The following EFEMP2 variants were observed in gnomAD, a reference collection of about 807,000 sequenced individuals.
EFEMP2 encodes EGF-like fibulin extracellular matrix protein 2, also known as EGF-containing fibulin-like extracellular matrix protein 2.
Under a neutral mutation model 55.3 loss-of-function variants are expected in EFEMP2, and 21 were observed. The ratio of observed to expected loss-of-function variants is 0.38; its 90% confidence interval spans 0.27 to 0.55. The LOEUF (loss-of-function observed/expected upper bound fraction) is 0.55. Ranked by LOEUF, EFEMP2 falls within the 20% of genes least tolerant of loss-of-function variation. EFEMP2 has a pLI of 0.77. For synonymous variants in EFEMP2, 275 were observed against 242.3 expected (o/e 1.14, Z -1.25); for missense variants, 513 against 615.1 (o/e 0.83, Z 1.76).
intron 10 of EFEMP2, 172 bp from the exon 11 acceptor site, chr11:65,867,251 A>C: frequency 1.4e-6 from 1 of 704,566 alleles, no homozygotes; most frequent in Non-Finnish European, 2.4e-6. Flanking sequence ...TCTCCTCCCC[A>C]CCCAGGCTCC....
intron 3 of EFEMP2, 126 bp downstream of exon 3, chr11:65,871,844 G>T: frequency 8.1e-7 from 1 of 1,231,260 alleles, no homozygotes; most frequent in Non-Finnish European, 1.2e-6. Context: ...CTGTGTAGCA[G>T]AGCTGGGCAT....
rs1565273832 is a variant in EFEMP2, at chr11:65,870,149, C to G, written c.579G>C (p.Gln193His). ...CACAGGAGCGGTTGTTAGGCCCCAG[C>G]TGGAAGCCCGGCTCGCACTGGCAGC... Reference protein sequence around the residue: ...SFRCQCEPGFQLGPNNRSCVD... With the variant: ...SFRCQCEPGFHLGPNNRSCVD... Residue 193 changes from glutamine (Q) to histidine (H), a missense_variant, in exon 6 of 11, where the codon CAG (glutamine) becomes CAC (histidine). By Grantham distance (24) the Gln-to-His change is conservative. Transcript: ENST00000307998. 5 of 1,613,762 alleles carry G rather than the reference C, an allele frequency of 3.1e-6. No homozygotes were observed. Among genetic ancestry groups the G allele is most frequent in the Non-Finnish European group, 4.2e-6 (5 of 1,180,028 alleles).
At position 65,872,292 on chromosome 11, in the gene EFEMP2, G is replaced by T; in HGVS notation, c.63C>A (p.Leu21=). The T allele has an allele frequency of 6.4e-7, 1 of 1,551,740 alleles. No homozygotes were observed. The highest frequency in any genetic ancestry group is 1.2e-5 in the South Asian group (1 of 84,058). The stretch of plus-strand genomic sequence containing the variant: ...AATCCTGAGGAGAAGCTGATCCCAA[G>T]AGCAACAGTAGCAGCGCCCAGAGCA... ...SLLLWALLLL[L]LGSASPQDSE... The change falls in exon 2 of 11, where the codon CTC becomes CTA. Residue 21 remains leucine (L), a synonymous_variant. Coordinates refer to ENST00000307998, the MANE Select transcript of EFEMP2 (RefSeq NM_016938.5).
Position 65,872,300 on chromosome 11 carries a change from G to A in EFEMP2, c.55C>T (p.Leu19=). The change falls in exon 2 of 11, where the codon CTG becomes TTG. Residue 19 remains leucine (L), a synonymous_variant. Coordinates refer to ENST00000307998, the MANE Select transcript of EFEMP2 (RefSeq NM_016938.5). The part of the protein sequence containing the change: ...PGSLLLWALL[L]LLLGSASPQD... ...GGAGAAGCTGATCCCAAGAGCAACA[G>A]TAGCAGCGCCCAGAGCAGTAGAGAC... 6.4e-7 allele frequency: 1 copy of A among 1,551,758 alleles called. No individual in the cohort carries two copies. Among genetic ancestry groups the A allele is most frequent in the Non-Finnish European group, 8.7e-7 (1 of 1,147,026 alleles).
intron 5 of EFEMP2, 73 bp downstream of exon 5, chr11:65,870,463 G>T: frequency 1.2e-6 from 2 of 1,601,128 alleles, no homozygotes; most frequent in East Asian, 2.2e-5. Context: ...GCTTGAATGG[G>T]GGTCAGGTGC....
intron 2 of EFEMP2, 69 bp from the exon 3 acceptor site, chr11:65,872,087 G>C: frequency 6.5e-7 from 1 of 1,544,542 alleles, no homozygotes; most frequent in Admixed American, 2.0e-5. Context: ...CCAAGACTAG[G>C]GCCTGAGCCT....
chr11:65,870,905 C>A, intron 4 of EFEMP2: 1 of 708,860 alleles, frequency 1.4e-6, no homozygotes, highest in Admixed American at 2.2e-5. Context: ...CCTGTGGCTC[C>A]CAGGGGACAG....
At chr11:65,872,537 G>A in intron 1 of EFEMP2, 146 bp downstream of exon 1, 2 of 492,516 alleles carry the variant, frequency 4.1e-6, no homozygotes, top group South Asian at 4.8e-5. Context: ...CGGGTCCCAG[G>A]CCCACCCGCC....
In EFEMP2 at chr11:65,871,695, A is replaced by T. The variant is rs1591068076; in HGVS notation, c.160+275T>A. ...CCTCCCAGGTTGTGATGAGACAAAG[A>T]GCTGGGACAGGAGAGTGGTTCAGAG... On this transcript the variant is annotated intron_variant, in intron 3 of 10. Transcript: ENST00000307998. 19 of 598,852 alleles carry T rather than the reference A, an allele frequency of 3.2e-5. No homozygotes were observed. In the East Asian group the frequency reaches 4.2e-4, roughly 13 times the overall value. 37.1% of individuals were successfully genotyped at this position (598,852 alleles called of 1,614,324 possible). A position where few individuals can be genotyped will look rare whatever the true frequency, so the allele number is the denominator to read the frequency against.
rs1196692310 is a variant in EFEMP2, at chr11:65,872,343, G to A, written c.12C>T (p.Cys4=). MLP[C]ASCLPGSLLL... ...GTAGAGACCCGGGTAGGCAGGAGGCGCAGGGGAGCATCCTGGGGCTGCGAG... is the reference window on the plus strand; with the variant it reads ...GTAGAGACCCGGGTAGGCAGGAGGCACAGGGGAGCATCCTGGGGCTGCGAG... The change falls in exon 2 of 11, where the codon TGC becomes TGT. Residue 4 remains cysteine (C), a synonymous_variant. Transcript: ENST00000307998. 6.4e-6 allele frequency: 10 copies of A among 1,550,800 alleles called. No individual in the cohort carries two copies. Among genetic ancestry groups the A allele is most frequent in the Middle Eastern group, 1.7e-4 (1 of 6,000 alleles).
chr11:65,868,286 T>C lies in EFEMP2; in HGVS notation c.974+9A>G, dbSNP rs1393762183. On this transcript the variant is annotated intron_variant, in intron 9 of 10. Transcript: ENST00000307998. ...GTTTCTGTGGGGGCCTGGCATCGAA[T>C]TGACTCACTTCTCAGAGACCTGGAT... 1.2e-6 allele frequency: 2 copies of C among 1,613,578 alleles called. No individual in the cohort carries two copies. Among genetic ancestry groups the C allele is most frequent in the East Asian group, 2.2e-5 (1 of 44,874 alleles).
rs758052109 is a variant in EFEMP2 at position 65,868,338 on chromosome 11, C to T, written c.931G>A (p.Asp311Asn). 4 of 1,613,890 alleles carry T rather than the reference C, an allele frequency of 2.5e-6. No individual in the cohort carries two copies. Among genetic ancestry groups the T allele is most frequent in the Non-Finnish European group, 3.4e-6 (4 of 1,180,032 alleles). Residue 311 changes from aspartate to asparagine, a missense_variant, in exon 9 of 11, where the codon GAC (aspartate) becomes AAC (asparagine). Coordinates refer to ENST00000307998, the MANE Select transcript of EFEMP2 (RefSeq NM_016938.5). ...TAGGGCTCCACGCAGCGGTTGGTGT[C>T]CACGCAGCGGTAGCCCCCATGGAAG... is the stretch of plus-strand genomic sequence containing the variant. ...VNFHGGYRCV[D>N]TNRCVEPYIQ...
Position 65,871,984 on chromosome 11 carries a change from C to G in EFEMP2, c.146G>C (p.Ser49Thr), listed in dbSNP as rs1468378128. 7 of 1,551,552 alleles carry G rather than the reference C, an allele frequency of 4.5e-6. No homozygotes were observed. Among genetic ancestry groups the G allele is most frequent in the Non-Finnish European group, 6.1e-6 (7 of 1,146,982 alleles). The change falls in exon 3 of 11, where the codon AGC becomes ACC. Residue 49 changes from serine to threonine, a missense_variant. Ser to Thr is a moderately conservative substitution (Grantham distance 58). Coordinates refer to ENST00000307998, the MANE Select transcript of EFEMP2 (RefSeq NM_016938.5). ...CTDGYEWDPD[S>T]QHCRDVNECL... ...GGCACACACACCCCGGCAGTGCTGG[C>G]TGTCTGGGTCCCACTCATAGCCATC...
chr11:65,869,862 CAGG>C lies in EFEMP2; in HGVS notation c.719_721del (p.Ser240del). On this transcript the variant is annotated inframe_deletion, in exon 7 of 11. Transcript: ENST00000307998. Reference sequence around the variant, plus strand: ...AGCAGGGATGGAGCTCTCACCACTGCAGGAGAAGCCATCCCGATGCAGCTCATA... The same window carrying C: ...AGCAGGGATGGAGCTCTCACCACTGCAGAAGCCATCCCGATGCAGCTCATA... The C allele has an allele frequency of 6.2e-7, 1 of 1,613,950 alleles. No homozygotes were observed. The highest frequency in any genetic ancestry group is 8.5e-7 in the Non-Finnish European group (1 of 1,180,008).
intron 10 of EFEMP2, 91 bp from the exon 11 acceptor site, chr11:65,867,170 G>T: frequency 6.5e-7 from 1 of 1,539,150 alleles, no homozygotes; most frequent in South Asian, 1.1e-5. Flanking sequence ...CCGTGGCCGT[G>T]AGGCAGAGGA....
chr11:65,871,834 CTG>C (rs1859969416), intron 3 of EFEMP2, 134 bp downstream of exon 3: 1 of 1,142,068 alleles, frequency 8.8e-7, no homozygotes, highest in Non-Finnish European at 1.3e-6. Context: ...GAGCTGGCCT[CTG>C]TGTAGCAGAG....
intron 4 of EFEMP2, 157 bp from the exon 5 acceptor site, chr11:65,870,815 T>C (rs186044528): frequency 9.9e-6 from 10 of 1,013,796 alleles, no homozygotes; most frequent in South Asian, 5.5e-5. Context: ...TAAAACCACA[T>C]GTTGGGGGTT....
chr11:65,870,250 G>C lies in EFEMP2; in HGVS notation c.491-13C>G, dbSNP rs1387623527. 1 of 1,612,024 alleles carries C rather than the reference G, an allele frequency of 6.2e-7. No homozygotes were observed. On this transcript the variant is annotated splice_polypyrimidine_tract_variant and intron_variant, in intron 5 of 10. Coordinates refer to ENST00000307998, the MANE Select transcript of EFEMP2 (RefSeq NM_016938.5). ...CACTCGTCTATGTCTAGGGATAGAG[G>C]CAGGAGAAGGAGGGCGGAGGGCAGA...
intron 1 of EFEMP2, 68 bp from the exon 2 acceptor site, chr11:65,872,429 C>T (rs994657688): frequency 9.6e-6 from 11 of 1,148,720 alleles, no homozygotes; most frequent in Non-Finnish European, 1.4e-5. Context: ...ACCGGGAGCC[C>T]GAGCCCAGCC....
Sources: allele counts gnomAD v4.1 joint callset, GRCh38; gene constraint gnomAD v4.1.1; transcripts MANE v1.5; gene names NCBI Gene and HGNC (gene_info 2026-07-23, HGNC 2026-07-21).